Variants in NBPF26 observed in about 807,000 individuals in gnomAD.
NBPF26 encodes NBPF member 26.
Under a neutral mutation model 119.6 loss-of-function variants are expected in NBPF26, and 79 were observed. The observed-to-expected ratio is 0.66, with a 90% CI of 0.55 to 0.80. NBPF26 has a LOEUF of 0.80. Among genes scored for constraint, NBPF26 ranks in the 30% least tolerant of loss-of-function variants. The probability of loss-of-function intolerance (pLI) is 0.00; values close to 1 mark genes in which losing one functional copy is unlikely to be tolerated. For missense variants in NBPF26, 800 were observed against 1,198.2 expected (o/e 0.67, Z 4.91); for synonymous variants, 299 against 457.7 (o/e 0.65, Z 4.43).
chr1:120,807,442 C>G (rs1485481288), intron 5 of NBPF26, among the ~76,000 whole-genome samples, 165 bp from the exon 6 acceptor site: 4 of 118,998 alleles, frequency 3.4e-5, no homozygotes, highest in Non-Finnish European at 6.7e-5. Context: ...GATCAGATGC[C>G]AGAAAGTCAG....
chr1:120,790,763 C>T (rs1476588313), intron 3 of NBPF26, among the ~76,000 whole-genome samples: 1 of 108,308 alleles, frequency 9.2e-6, no homozygotes, highest in Non-Finnish European at 1.7e-5. Context: ...TGAAGCCCGG[C>T]TAATTTTTGT....
In NBPF26 at chr1:120,806,592, AAAAC is replaced by A. The variant is rs1377039264; in HGVS notation, c.961+839_961+842del. 4.8e-5 allele frequency among the ~76,000 whole-genome samples: 6 copies of A among 125,836 alleles called. 1 individual carries two copies. Among genetic ancestry groups the A allele is most frequent in the South Asian group, 2.4e-4 (1 of 4,168 alleles). 82.6% of individuals were successfully genotyped at this position (125,836 alleles called of 152,430 possible). ...TGGGTGACAGGGCAAGACTCGTCAA[AAAAC>A]AAACAAACAAAACGATAAATAAATC... is the stretch of plus-strand genomic sequence containing the variant. On this transcript the variant is annotated intron_variant, in intron 5 of 29. Transcript: ENST00000620612.
At position 120,728,429 on chromosome 1, in the gene NBPF26, G is replaced by A. The variant is rs1412282399; in HGVS notation, c.73+4179G>A. Among the ~76,000 whole-genome samples the A allele has an allele frequency of 5.4e-5, 6 of 111,290 alleles. 1 individual carries two copies. The highest frequency in any genetic ancestry group is 1.1e-4 in the African/African-American group (2 of 18,048). 73.0% of individuals were successfully genotyped at this position (111,290 alleles called of 152,430 possible). A position where few individuals can be genotyped will look rare whatever the true frequency, so the allele number is the denominator to read the frequency against. ...TTCCCCAGATGTTTCATTTAAACTT[G>A]TAATTTTGAATTTCTTTGTGTGTGG... is the stretch of plus-strand genomic sequence containing the variant. On this transcript the variant is annotated intron_variant, in intron 1 of 29. Transcript: ENST00000620612.
intron 4 of NBPF26, among the ~76,000 whole-genome samples, chr1:120,802,417 G>A (rs1414675130): frequency 7.9e-6 from 1 of 126,396 alleles, no homozygotes; most frequent in Non-Finnish European, 1.6e-5. Context: ...AAGCAGAGGA[G>A]AAACTGTTGA....
In NBPF26 at chr1:120,783,633, G is replaced by A. The variant is rs1651390447; in HGVS notation, c.156-1341G>A. 1.9e-5 allele frequency among the ~76,000 whole-genome samples: 2 copies of A among 105,614 alleles called. 1 individual carries two copies. Among genetic ancestry groups the A allele is most frequent in the Non-Finnish European group, 3.5e-5 (2 of 57,142 alleles). 69.3% of individuals were successfully genotyped at this position (105,614 alleles called of 152,430 possible). On this transcript the variant is annotated intron_variant, in intron 2 of 29. Transcript: ENST00000620612. ...CTAGAAAACTGAACATATGGGACTG[G>A]AACAGTGTATTTTGGAGTCAGTTAC...
In NBPF26 at chr1:120,811,823, G is replaced by A. The variant is rs1651874126; in HGVS notation, c.1565-63G>A. On this transcript the variant is annotated intron_variant, in intron 9 of 29. Transcript: ENST00000620612. The stretch of plus-strand genomic sequence containing the variant: ...GCTACCAGTGACATCCCTCAGTCCT[G>A]ATTAAGCCTATTTGATTTCACCAGT... 6 of 711,094 alleles carry A rather than the reference G, an allele frequency of 8.4e-6. 2 individuals carry two copies. The African/African-American group carries it at 2.1e-4, about 25-fold the overall frequency. The allele number at this position is 711,094 out of a possible 1,614,324, so 44.0% of individuals were successfully genotyped here.
At chr1:120,840,405 G>A in exon 30 of NBPF26, 1 of 1,464,824 alleles carries the variant, frequency 6.8e-7, no homozygotes, top group East Asian at 2.3e-5. Flanking sequence ...GGACTCACTG[G>A]ATATATGTTA....
intron 2 of NBPF26, among the ~76,000 whole-genome samples, chr1:120,783,948 T>A (rs1280607173): frequency 9.3e-6 from 1 of 108,040 alleles, no homozygotes; most frequent in Non-Finnish European, 1.7e-5. Flanking sequence ...TAGAGGAAAG[T>A]CATTGTTTTT....
At chr1:120,756,475 A>G (rs1451243592) in intron 1 of NBPF26, among the ~76,000 whole-genome samples, 1 of 117,602 alleles carries the variant, frequency 8.5e-6, no homozygotes, top group Non-Finnish European at 1.6e-5. Context: ...GGGTCTAAGC[A>G]CAGATACCAC....
Position 120,724,041 on chromosome 1 carries a change from C to A in NBPF26, c.-137C>A, listed in dbSNP as rs1436695092. ...TTTGCACCTGGGCTTCGGAGCGTAG[C>A]GCCAGGGCCTGAGCCTTTGAAGCAG... On this transcript the variant is annotated 5_prime_UTR_variant, in exon 1 of 30. Transcript: ENST00000620612. The A allele has an allele frequency of 4.0e-6, 5 of 1,255,858 alleles. 1 individual carries two copies. The South Asian group carries it at 5.0e-5, about 12-fold the overall frequency. 77.8% of individuals were successfully genotyped at this position (1,255,858 alleles called of 1,614,324 possible).
At chr1:120,820,447 A>AATATAT (rs1229895629) in intron 15 of NBPF26, among the ~76,000 whole-genome samples, 263 of 10,794 alleles carry the variant, frequency 0.024, 8 homozygotes, top group African/African-American at 0.035. Flanking sequence ...AAGTATTAAA[A>AATATAT]ATATATATAT....
chr1:120,812,984 G>T (rs1651909893), intron 10 of NBPF26, among the ~76,000 whole-genome samples: 1 of 119,014 alleles, frequency 8.4e-6, no homozygotes, highest in Non-Finnish European at 1.6e-5. Flanking sequence ...AAAAAGCAGA[G>T]AGTAGCTTGG....
Position 120,775,699 on chromosome 1 carries a change from T to A in NBPF26, c.156-9275T>A, listed in dbSNP as rs1307152338. On this transcript the variant is annotated intron_variant, in intron 2 of 29. Transcript: ENST00000620612. Reference sequence around the variant, plus strand: ...ATGCTATTGAGACCACTTTGTAGGATTTTTTTTTTTTTTAGTCAGGGCTCC... The same window carrying A: ...ATGCTATTGAGACCACTTTGTAGGAATTTTTTTTTTTTTAGTCAGGGCTCC... Among the ~76,000 whole-genome samples, 2 of 58,364 alleles carry A rather than the reference T, an allele frequency of 3.4e-5. 1 individual carries two copies. The highest frequency in any genetic ancestry group is 5.7e-5 in the Non-Finnish European group (2 of 35,010). 38.3% of individuals were successfully genotyped at this position (58,364 alleles called of 152,430 possible).
rs1212513841 is a variant in NBPF26 at position 120,817,160 on chromosome 1, A to G, written c.2371+333A>G. On this transcript the variant is annotated intron_variant, in intron 14 of 29. Coordinates refer to ENST00000620612, the Ensembl canonical transcript of NBPF26. ...ATCTGTCCCTGAACAATGTCCATGG[A>G]GTTTCTATGCCTGTTTAAGGAAGCT... 3.4e-3 allele frequency among the ~76,000 whole-genome samples: 390 copies of G among 116,090 alleles called. 141 individuals carry two copies. Among genetic ancestry groups the G allele is most frequent in the African/African-American group, 0.018 (361 of 19,752 alleles). The allele number at this position is 116,090 out of a possible 152,430, so 76.2% of individuals were successfully genotyped here.
At chr1:120,813,348 T>G (rs1651923397) in intron 10 of NBPF26, among the ~76,000 whole-genome samples, 1 of 128,090 alleles carries the variant, frequency 7.8e-6, no homozygotes, top group Admixed American at 7.4e-5. Flanking sequence ...ATTTCCTTCA[T>G]GGCCTAATGG....
intron 2 of NBPF26, among the ~76,000 whole-genome samples, chr1:120,765,099 T>C (rs1651176393): frequency 8.8e-6 from 1 of 113,868 alleles, no homozygotes; most frequent in Non-Finnish European, 1.7e-5. Flanking sequence ...GGAATAAAGA[T>C]AACATTGGAA....
rs1157308068 is a variant in NBPF26, at chr1:120,805,336, C to G, written c.752-220C>G. The G allele has an allele frequency of 2.1e-5, 22 of 1,042,964 alleles. 1 individual carries two copies. The highest frequency in any genetic ancestry group is 4.6e-5 in the Admixed American group (2 of 43,934). The allele number at this position is 1,042,964 out of a possible 1,614,324, so 64.6% of individuals were successfully genotyped here. A position where few individuals can be genotyped will look rare whatever the true frequency, so the allele number is the denominator to read the frequency against. On this transcript the variant is annotated intron_variant, in intron 4 of 29. Transcript: ENST00000620612. ...CACGCTGGCCACATTCTGCCTCACT[C>G]TTATCAGAGTCTGAGCTACTGGCAG...
intron 2 of NBPF26, among the ~76,000 whole-genome samples, chr1:120,776,055 T>A (rs1333468601): frequency 8.9e-6 from 1 of 112,398 alleles, no homozygotes; most frequent in Non-Finnish European, 1.7e-5. Flanking sequence ...ATTTATAGGG[T>A]CTTTTTAAGG....
intron 4 of NBPF26, among the ~76,000 whole-genome samples, chr1:120,802,347 C>G (rs1372904711): frequency 7.9e-6 from 1 of 126,096 alleles, no homozygotes; most frequent in African/African-American, 3.7e-5. Flanking sequence ...TGAGCTGCAT[C>G]ACATCATTCC....
Sources: allele counts gnomAD v4.1 joint callset (sites outside exome capture counted in the v4.1 genomes callset), GRCh38; gene constraint gnomAD v4.1.1; transcripts MANE v1.5; gene names NCBI Gene and HGNC (gene_info 2026-07-23, HGNC 2026-07-21).